CDH13: variants seen among roughly 807,000 people sequenced by gnomAD.
The protein encoded by CDH13 is cadherin-13.
CDH13 carries 24 observed loss-of-function variants against 63.8 expected under a neutral mutation model. That is an observed-to-expected ratio of 0.38 (90% CI 0.27 to 0.53). CDH13 has a LOEUF of 0.53. Among genes scored for constraint, CDH13 ranks in the 20% least tolerant of loss-of-function variants. The probability of loss-of-function intolerance (pLI) is 0.85; values close to 1 mark genes in which losing one functional copy is unlikely to be tolerated. For missense variants in CDH13, 1,049 were observed against 903.1 expected (o/e 1.16, Z -2.07); for synonymous variants, 503 against 355.3 (o/e 1.42, Z -4.67).
chr16:83,013,855 G>A (rs150232704), intron 2 of CDH13, among the ~76,000 whole-genome samples: 1,524 of 152,256 alleles, frequency 0.01, 22 homozygotes, highest in African/African-American at 0.032. Context: ...AACATAGGGA[G>A]GAATCCAAAA....
intron 2 of CDH13, among the ~76,000 whole-genome samples, chr16:82,975,302 G>T (rs1052839078): frequency 2.0e-5 from 3 of 152,286 alleles, no homozygotes; most frequent in Middle Eastern, 6.8e-3. Flanking sequence ...GACAAAACCC[G>T]TGCGCCTTGT....
chr16:83,267,862 T>G (rs2088672135), intron 5 of CDH13, among the ~76,000 whole-genome samples: 1 of 152,218 alleles, frequency 6.6e-6, no homozygotes, highest in Non-Finnish European at 1.5e-5. Flanking sequence ...TTATCACCAC[T>G]TTCCCAGAAG....
At chr16:83,071,577 G>C (rs1002087463) in intron 3 of CDH13, among the ~76,000 whole-genome samples, 2 of 152,158 alleles carry the variant, frequency 1.3e-5, no homozygotes, top group African/African-American at 4.8e-5. Context: ...GTTCACTTCA[G>C]GGAGCTGTGG....
chr16:82,938,641 C>T (rs1050529598), intron 2 of CDH13, among the ~76,000 whole-genome samples: 3 of 151,974 alleles, frequency 2.0e-5, no homozygotes, highest in African/African-American at 4.8e-5. Context: ...TTGCAGTCCT[C>T]GAGAAGAGAC....
chr16:82,750,660 G>T (rs1208689635), intron 1 of CDH13, among the ~76,000 whole-genome samples: 2 of 152,162 alleles, frequency 1.3e-5, no homozygotes, highest in African/African-American at 4.8e-5. Context: ...TAATGAAAGG[G>T]GAAAAATATC....
At chr16:82,871,553 A>G (rs957282297) in intron 2 of CDH13, among the ~76,000 whole-genome samples, 1 of 152,188 alleles carries the variant, frequency 6.6e-6, no homozygotes, top group African/African-American at 2.4e-5. Flanking sequence ...TCCCAGCTCT[A>G]ACTTTGACTT....
chr16:83,348,859 G>A (rs975668732), intron 6 of CDH13, among the ~76,000 whole-genome samples: 14 of 152,194 alleles, frequency 9.2e-5, no homozygotes, highest in African/African-American at 3.4e-4. Context: ...GAATGCCTTT[G>A]TATTGTTAAC....
intron 8 of CDH13, among the ~76,000 whole-genome samples, chr16:83,630,575 C>T (rs1325750513): frequency 6.6e-6 from 1 of 152,150 alleles, no homozygotes; most frequent in East Asian, 1.9e-4. Flanking sequence ...GGAATAGTCA[C>T]TTATGTCTTA....
At chr16:83,412,753 C>G (rs900805790) in intron 6 of CDH13, among the ~76,000 whole-genome samples, 1 of 152,206 alleles carries the variant, frequency 6.6e-6, no homozygotes, top group African/African-American at 2.4e-5. Flanking sequence ...CCCCTTAAGA[C>G]CCAGTGAAAG....
chr16:83,029,792 GTGCT>G (rs142641712), intron 2 of CDH13, among the ~76,000 whole-genome samples: 5,180 of 152,208 alleles, frequency 0.034, 189 homozygotes, highest in African/African-American at 0.092. Context: ...ACAGTTGGTT[GTGCT>G]TACTTTGTAA....
chr16:83,560,902 C>A (rs1025556726), intron 7 of CDH13, among the ~76,000 whole-genome samples: 3 of 151,864 alleles, frequency 2.0e-5, no homozygotes, highest in Non-Finnish European at 2.9e-5. Context: ...AAGGTTGGCC[C>A]CCCCCCCGCC....
intron 1 of CDH13, among the ~76,000 whole-genome samples, chr16:82,843,281 C>G (rs918779800): frequency 3.3e-5 from 5 of 152,200 alleles, no homozygotes; most frequent in African/African-American, 4.8e-5. Context: ...GTAGATGTTA[C>G]TTGCATCAAT....
chr16:83,223,607 T>C (rs1252586567), intron 5 of CDH13, among the ~76,000 whole-genome samples: 1 of 152,136 alleles, frequency 6.6e-6, no homozygotes, highest in Non-Finnish European at 1.5e-5. Flanking sequence ...TTTGCCAAGC[T>C]CAGAACCTCT....
intron 5 of CDH13, among the ~76,000 whole-genome samples, chr16:83,229,927 G>C (rs534228294): frequency 6.6e-6 from 1 of 152,210 alleles, no homozygotes; most frequent in African/African-American, 2.4e-5. Context: ...GTTAAATGAT[G>C]GCTTAGCATG....
intron 3 of CDH13, among the ~76,000 whole-genome samples, chr16:83,054,342 A>G (rs1435657677): frequency 6.6e-6 from 1 of 152,236 alleles, no homozygotes; most frequent in Non-Finnish European, 1.5e-5. Context: ...TAGAACAATT[A>G]CAGTAATATG....
intron 1 of CDH13, among the ~76,000 whole-genome samples, chr16:82,663,688 C>A (rs1912248002): frequency 6.6e-6 from 1 of 152,184 alleles, no homozygotes; most frequent in Non-Finnish European, 1.5e-5. Flanking sequence ...CTATTAAGAT[C>A]CGTATGCTTT....
intron 6 of CDH13, among the ~76,000 whole-genome samples, chr16:83,400,681 T>G (rs899835594): frequency 2.6e-5 from 4 of 152,180 alleles, no homozygotes; most frequent in Admixed American, 1.3e-4. Flanking sequence ...TTGTGATAGA[T>G]CCCTGAAAAC....
chr16:83,484,355 C>T (rs1387378), intron 6 of CDH13, among the ~76,000 whole-genome samples: 141,800 of 152,294 alleles, frequency 0.93, 66,863 homozygotes, highest in East Asian at 1. Flanking sequence ...TGATCTCTTC[C>T]GGTTAGGTCA....
chr16:82,971,855 C>T (rs758060816), intron 2 of CDH13, among the ~76,000 whole-genome samples: 4 of 152,108 alleles, frequency 2.6e-5, no homozygotes, highest in Non-Finnish European at 4.4e-5. Flanking sequence ...CTTTTGAATC[C>T]CAGACTTGCA....
Sources: gnomAD v4.1 joint callset for allele counts (sites outside exome capture counted in the v4.1 genomes callset) on GRCh38, gnomAD v4.1.1 for gene constraint, MANE v1.5 for transcripts, NCBI Gene and HGNC (gene_info 2026-07-23, HGNC 2026-07-21) for gene names.